The following ZNF536 variants were observed in gnomAD, a reference collection of about 807,000 sequenced individuals.
The protein encoded by ZNF536 is zinc finger protein 536.
A neutral mutation model predicts 84.5 loss-of-function variants in ZNF536; 13 were observed. The ratio of observed to expected loss-of-function variants is 0.15; its 90% confidence interval spans 0.10 to 0.24. The LOEUF (loss-of-function observed/expected upper bound fraction) is 0.24, where lower values mean the gene tolerates loss of function less well. ZNF536 is among the 10% of genes least tolerant of loss of function. The probability of loss-of-function intolerance (pLI) is 1.00; values close to 1 mark genes in which losing one functional copy is unlikely to be tolerated. For synonymous variants in ZNF536, 811 were observed against 742.5 expected (o/e 1.09, Z -1.50); for missense variants, 1,536 against 1,747.5 (o/e 0.88, Z 2.16).
chr19:30,247,086 T>A (rs1260647819), intron 1 of ZNF536, among the ~76,000 whole-genome samples: 1 of 152,220 alleles, frequency 6.6e-6, no homozygotes, highest in East Asian at 1.9e-4. Flanking sequence ...GGTGTCTGCC[T>A]CCCAACCTCT....
At chr19:30,402,792 A>ATATATATATATATAT (rs2050098085) in intron 1 of ZNF536, among the ~76,000 whole-genome samples, 1 of 14,826 alleles carries the variant, frequency 6.7e-5, no homozygotes, top group Non-Finnish European at 3.9e-4. Context: ...TTTTAAAATT[A>ATATATATATATATAT]AAAAATATAT....
intron 2 of ZNF536, among the ~76,000 whole-genome samples, chr19:30,317,522 T>C (rs10409295): frequency 0.26 from 39,290 of 152,142 alleles, 7,420 homozygotes; most frequent in African/African-American, 0.51. Context: ...GTGCCTCTGT[T>C]TTCTCACCCC....
At chr19:30,337,178 G>A (rs903692110) in intron 2 of ZNF536, among the ~76,000 whole-genome samples, 1 of 152,126 alleles carries the variant, frequency 6.6e-6, no homozygotes, top group Non-Finnish European at 1.5e-5. Flanking sequence ...GGAGACTGAT[G>A]GAAACCCCTG....
intron 2 of ZNF536, among the ~76,000 whole-genome samples, chr19:30,484,483 A>G (rs2054217336): frequency 7.1e-6 from 1 of 140,048 alleles, no homozygotes; most frequent in Non-Finnish European, 1.5e-5. Context: ...TGATCTGCCC[A>G]CCTTGGCCTC....
chr19:30,299,960 G>A (rs1489492470), intron 2 of ZNF536, among the ~76,000 whole-genome samples: 1 of 152,050 alleles, frequency 6.6e-6, no homozygotes, highest in African/African-American at 2.4e-5. Flanking sequence ...AGCTTAACAA[G>A]CCATCTCGAT....
intron 2 of ZNF536, among the ~76,000 whole-genome samples, chr19:30,515,647 G>T (rs1354660603): frequency 6.6e-6 from 1 of 152,066 alleles, no homozygotes; most frequent in Non-Finnish European, 1.5e-5. Flanking sequence ...ATCCACAGTG[G>T]ACAATATAGA....
chr19:30,569,821 C>T (rs2046481059), intron 1 of ZNF536, among the ~76,000 whole-genome samples: 1 of 151,962 alleles, frequency 6.6e-6, no homozygotes, highest in Non-Finnish European at 1.5e-5. Context: ...ATCTACCCAC[C>T]TCGGCCTCCT....
chr19:30,684,046 TTATC>T (rs2147848257), intron 1 of ZNF536, among the ~76,000 whole-genome samples: 1 of 152,256 alleles, frequency 6.6e-6, no homozygotes, highest in South Asian at 2.1e-4. Context: ...TCTTGGAAAA[TTATC>T]TATCTTTCCT....
chr19:30,559,559 C>T (rs1005918833), downstream of ZNF536, among the ~76,000 whole-genome samples: 1 of 152,296 alleles, frequency 6.6e-6, no homozygotes, highest in African/African-American at 2.4e-5. Flanking sequence ...CTGGCGTTGC[C>T]GGTCATGTAC....
intron 3 of ZNF536, among the ~76,000 whole-genome samples, chr19:30,547,726 G>A (rs1171818566): frequency 1.3e-5 from 2 of 152,078 alleles, no homozygotes; most frequent in Admixed American, 6.6e-5. Context: ...AGCTAATTGT[G>A]TGTAGATAGT....
chr19:30,512,587 G>A (rs2055459635), intron 2 of ZNF536, among the ~76,000 whole-genome samples: 1 of 151,712 alleles, frequency 6.6e-6, no homozygotes, highest in African/African-American at 2.4e-5. Context: ...TGATACGAGT[G>A]TGGGTTAGAG....
intron 1 of ZNF536, 26 bp from the exon 2 acceptor site, chr19:30,443,528 TGGCACGG>T: frequency 1.3e-6 from 2 of 1,510,106 alleles, no homozygotes; most frequent in Non-Finnish European, 1.8e-6. Context: ...CAGCCGCACC[TGGCACGG>T]ATCTGAACTC....
chr19:30,405,051 A>C (rs944768915), intron 1 of ZNF536, among the ~76,000 whole-genome samples: 2 of 152,204 alleles, frequency 1.3e-5, no homozygotes, highest in Admixed American at 6.5e-5. Flanking sequence ...TGTATGGGGC[A>C]TGGTGGGGAG....
At chr19:30,518,109 G>A (rs1401597988) in intron 2 of ZNF536, among the ~76,000 whole-genome samples, 2 of 152,060 alleles carry the variant, frequency 1.3e-5, no homozygotes, top group African/African-American at 4.8e-5. Context: ...CCTCTCTGTG[G>A]CTTTGAACCC....
At chr19:30,515,186 C>A (rs549715248) in intron 2 of ZNF536, among the ~76,000 whole-genome samples, 1 of 152,126 alleles carries the variant, frequency 6.6e-6, no homozygotes, top group Non-Finnish European at 1.5e-5. Flanking sequence ...CACTTGAGCC[C>A]AGGAGTTCAA....
At chr19:30,341,656 G>T (rs1317778767) in intron 2 of ZNF536, among the ~76,000 whole-genome samples, 1 of 151,806 alleles carries the variant, frequency 6.6e-6, no homozygotes, top group Admixed American at 6.6e-5. Flanking sequence ...AACTTGCAGA[G>T]ATTTTTTTTT....
intron 1 of ZNF536, among the ~76,000 whole-genome samples, chr19:30,586,243 G>A (rs2047090004): frequency 1.3e-5 from 2 of 152,244 alleles, no homozygotes; most frequent in African/African-American, 4.8e-5. Context: ...TCCGTCGCTG[G>A]ATGGAAGAAA....
chr19:30,243,201 G>A (rs11084491), intron 1 of ZNF536, among the ~76,000 whole-genome samples: 87,529 of 152,006 alleles, frequency 0.58, 27,608 homozygotes, highest in East Asian at 0.84. Flanking sequence ...AGACCTTGTG[G>A]AACAGCTTTT....
At position 30,333,920 on chromosome 19, in the gene ZNF536, A is replaced by G. The variant is rs76248902; in HGVS notation, c.-119-18448A>G. ...TTGCTGATATTCCTTTTCTGCAAAG[A>G]TGATTTTTTTAAAAAATCACTCTTT... On this transcript the variant is annotated intron_variant, in intron 2 of 5. Coordinates refer to the ZNF536 transcript ENST00000585628. Among the ~76,000 whole-genome samples the G allele has an allele frequency of 8.4e-3, 1,275 of 152,336 alleles. 25 individuals carry two copies. The highest frequency in any genetic ancestry group is 0.03 in the African/African-American group (1,228 of 41,574).
Sources: gnomAD v4.1 joint callset for allele counts (sites outside exome capture counted in the v4.1 genomes callset) on GRCh38, gnomAD v4.1.1 for gene constraint, MANE v1.5 for transcripts, NCBI Gene and HGNC (gene_info 2026-07-23, HGNC 2026-07-21) for gene names.